Variants in LRRK2 observed in about 807,000 individuals in gnomAD.
LRRK2 encodes the protein leucine rich repeat kinase 2, also known as leucine-rich repeat serine/threonine-protein kinase 2.
Under a neutral mutation model 302.6 loss-of-function variants are expected in LRRK2, and 203 were observed. The ratio of observed to expected loss-of-function variants is 0.67; its 90% CI spans 0.60 to 0.75. The LOEUF (loss-of-function observed/expected upper bound fraction) is 0.75. Among genes scored for constraint, LRRK2 ranks in the 30% least tolerant of loss-of-function variants. LRRK2 has a pLI of 0.00. For synonymous variants in LRRK2, 1,066 were observed against 1,031.9 expected (o/e 1.03, Z -0.63); for missense variants, 2,830 against 2,951.0 (o/e 0.96, Z 0.95).
In LRRK2 at chr12:40,256,767, T is replaced by C. The variant is rs140385226; in HGVS notation, c.1289-481T>C. 1.2e-4 allele frequency among the ~76,000 whole-genome samples: 18 copies of C among 152,344 alleles called. No individual in the cohort carries two copies. In the East Asian group the frequency reaches 3.5e-3, roughly 29 times the overall value. On this transcript the variant is annotated intron_variant, in intron 11 of 50. Coordinates refer to ENST00000298910, the MANE Select transcript of LRRK2 (RefSeq NM_198578.4). Reference sequence around the variant, plus strand: ...CCACACTCCCAAAAAGCTGAGTGAATGGTCGATACCTCCACATGCTTATAA... The same window carrying C: ...CCACACTCCCAAAAAGCTGAGTGAACGGTCGATACCTCCACATGCTTATAA...
intron 13 of LRRK2, among the ~76,000 whole-genome samples, 171 bp downstream of exon 13, chr12:40,259,775 G>C (rs1428361512): frequency 5.3e-5 from 8 of 152,146 alleles, no homozygotes; most frequent in Admixed American, 5.2e-4. Flanking sequence ...GAGTCACTTA[G>C]ATTAATTTTT....
At position 40,346,563 on chromosome 12, in the gene LRRK2, G is replaced by T. The variant is rs10784522; in HGVS notation, c.6110-190G>T. On this transcript the variant is annotated intron_variant, in intron 41 of 50. Coordinates refer to ENST00000298910, the MANE Select transcript of LRRK2 (RefSeq NM_198578.4). ...TTATTGTCCTGTGTGGTCAACCTTGGGGGGTGAGATGTTATGAGACAGGAC... is the reference window on the plus strand; with the variant it reads ...TTATTGTCCTGTGTGGTCAACCTTGTGGGGTGAGATGTTATGAGACAGGAC... Among the ~76,000 whole-genome samples, 46,330 of 151,878 alleles carry T rather than the reference G, an allele frequency of 0.31. 7,274 individuals are homozygous for T. Among genetic ancestry groups the T allele is most frequent in the South Asian group, 0.37 (1,771 of 4,814 alleles).
chr12:40,240,809 G>T (rs1390536078), intron 6 of LRRK2, among the ~76,000 whole-genome samples, 192 bp downstream of exon 6: 2 of 152,092 alleles, frequency 1.3e-5, no homozygotes, highest in Non-Finnish European at 2.9e-5. Context: ...TGGTGCTGGA[G>T]AAACAATCGT....
chr12:40,304,145 T>C lies in LRRK2; in HGVS notation c.3777+11T>C. On this transcript the variant is annotated intron_variant, in intron 27 of 50. Coordinates refer to ENST00000298910, the MANE Select transcript of LRRK2 (RefSeq NM_198578.4). ...AATAAACTGAAAGAGGTAAGACGATTATTGCCACTTAAAAAATATACTTTA... is the reference window on the plus strand; with the variant it reads ...AATAAACTGAAAGAGGTAAGACGATCATTGCCACTTAAAAAATATACTTTA... 1 of 1,609,748 alleles carries C rather than the reference T, an allele frequency of 6.2e-7. No homozygotes were observed. Among genetic ancestry groups the C allele is most frequent in the South Asian group, 1.1e-5 (1 of 90,784 alleles).
In LRRK2 at chr12:40,314,044, G is replaced by A; in HGVS notation, c.4609G>A (p.Glu1537Lys). ...AGAACTTGAAAAAATCATTTTATCG[G>A]AGCGTAAAAATGTGCCAATTGAATT... ...YVELEKIILSERKNVPIEFPV... is the reference protein window; with the variant it reads ...YVELEKIILSKRKNVPIEFPV... The change falls in exon 32 of 51, where the codon GAG becomes AAG. Residue 1537 changes from glutamate to lysine, a missense_variant. By Grantham distance (56) the Glu-to-Lys change is moderately conservative (BLOSUM62 1). Transcript: ENST00000298910. 6.2e-7 allele frequency: 1 copy of A among 1,612,466 alleles called. No individual in the cohort carries two copies.
In LRRK2 at chr12:40,298,798, T is replaced by TATATATATAA. The variant is rs57355300; in HGVS notation, c.3347+306_3347+307insTATATATAAA. Among the ~76,000 whole-genome samples, 40 of 94,260 alleles carry TATATATATAA rather than the reference T, an allele frequency of 4.2e-4. 5 individuals carry two copies. Among genetic ancestry groups the TATATATATAA allele is most frequent in the African/African-American group, 1.4e-3 (33 of 23,832 alleles). The allele number at this position is 94,260 out of a possible 152,430, so 61.8% of individuals were successfully genotyped here. A position where few individuals can be genotyped will look rare whatever the true frequency, so the allele number is the denominator to read the frequency against. ...AAAGAAATATATATATATATATATA[T>TATATATATAA]AATATATGTATTATAATATATAATA... is the stretch of plus-strand genomic sequence containing the variant. On this transcript the variant is annotated intron_variant, in intron 24 of 50. Transcript: ENST00000298910.
At chr12:40,359,490 G>GT (rs765048558) in intron 47 of LRRK2, 46 bp downstream of exon 47, 47 of 1,538,266 alleles carry the variant, frequency 3.1e-5, no homozygotes, top group African/African-American at 6.8e-5. Context: ...TTATACTTTT[G>GT]TTTTTTCCTT....
At chr12:40,277,069 G>A (rs530450265) in intron 16 of LRRK2, among the ~76,000 whole-genome samples, 10 of 152,164 alleles carry the variant, frequency 6.6e-5, no homozygotes, top group Non-Finnish European at 1.5e-4. Context: ...TTGAATTCCT[G>A]GGCTCAAGCA....
Position 40,328,416 on chromosome 12 carries a change from G to C in LRRK2, c.5713G>C (p.Val1905Leu), listed in dbSNP as rs754436306. Reference sequence around the variant, plus strand: ...AGCCTATGAAGGAGAAGAAGTGGCTGTGAAGATTTTTAATAAACATACATC... The same window carrying C: ...AGCCTATGAAGGAGAAGAAGTGGCTCTGAAGATTTTTAATAAACATACATC... ...RAAYEGEEVA[V>L]KIFNKHTSLR... is the part of the protein sequence containing the mutation. The change falls in exon 39 of 51, where the codon GTG (valine) becomes CTG (leucine). Residue 1905 changes from valine to leucine, a missense_variant. Val to Leu is a conservative substitution (Grantham distance 32). Around this residue, in one of 3 missense-constraint regions of LRRK2, gnomAD observed 253 missense variants for 346.7 expected, o/e 0.73. Transcript: ENST00000298910. The C allele has an allele frequency of 3.5e-5, 57 of 1,613,488 alleles. No homozygotes were observed. In the South Asian group the frequency reaches 5.6e-4, roughly 16 times the overall value.
At chr12:40,367,569 G>A in intron 50 of LRRK2, 75 bp from the exon 51 acceptor site, 2 of 1,468,364 alleles carry the variant, frequency 1.4e-6, no homozygotes, top group Middle Eastern at 2.0e-4. Context: ...AAAAATACAT[G>A]AGCCAAACTG....
chr12:40,296,069 A>G (rs916866169), intron 23 of LRRK2, among the ~76,000 whole-genome samples: 7 of 152,022 alleles, frequency 4.6e-5, no homozygotes, highest in Admixed American at 6.6e-5. Flanking sequence ...CTAATCCTTC[A>G]TTTTCTCATC....
chr12:40,337,484 A>G (rs1361029404), intron 40 of LRRK2, among the ~76,000 whole-genome samples: 2 of 152,144 alleles, frequency 1.3e-5, no homozygotes, highest in Non-Finnish European at 2.9e-5. Flanking sequence ...TGAATCTGTT[A>G]TTTCTGTTAT....
At chr12:40,320,793 A>G (rs780444611) in intron 34 of LRRK2, among the ~76,000 whole-genome samples, 1 of 152,038 alleles carries the variant, frequency 6.6e-6, no homozygotes, top group Non-Finnish European at 1.5e-5. Flanking sequence ...GTAATAATTT[A>G]TGTATTAGTG....
In LRRK2 at chr12:40,354,395, C is replaced by T; in HGVS notation, c.6673C>T (p.Leu2225=). 2 of 1,614,096 alleles carry T rather than the reference C, an allele frequency of 1.2e-6. No individual in the cohort carries two copies. The highest frequency in any genetic ancestry group is 1.6e-4 in the Middle Eastern group (1 of 6,062). Residue 2225 remains leucine, a synonymous_variant, in exon 45 of 51, where the codon CTG becomes TTG. Transcript: ENST00000298910. ...IVSGTQSGTL[L]VINTEDGKKR... is the part of the protein sequence containing the mutation. ...GTCTGGGACACAGTCTGGTACTCTC[C>T]TGGTCATCAATACCGAAGATGGGAA...
chr12:40,360,828 C>T (rs1161933560), intron 47 of LRRK2, among the ~76,000 whole-genome samples: 1 of 151,980 alleles, frequency 6.6e-6, no homozygotes, highest in African/African-American at 2.4e-5. Flanking sequence ...CCTTTCACCC[C>T]CAACCTTTGA....
At chr12:40,319,417 C>T (rs17466360) in intron 33 of LRRK2, among the ~76,000 whole-genome samples, 3,335 of 152,056 alleles carry the variant, frequency 0.022, 45 homozygotes, top group Non-Finnish European at 0.036. Flanking sequence ...GTGTTAGAAA[C>T]ATCGGGGTTG....
intron 43 of LRRK2, among the ~76,000 whole-genome samples, chr12:40,351,005 C>T (rs909116433): frequency 1.3e-5 from 2 of 152,090 alleles, no homozygotes; most frequent in Non-Finnish European, 2.9e-5. Flanking sequence ...TCCTGAGTGG[C>T]GGGCAGGTGG....
At chr12:40,238,785 G>T (rs1197188758) in intron 5 of LRRK2, among the ~76,000 whole-genome samples, 2 of 152,196 alleles carry the variant, frequency 1.3e-5, no homozygotes, top group African/African-American at 4.8e-5. Context: ...CCCTGTGTCA[G>T]TTATCAGTTT....
At chr12:40,341,634 T>A (rs2136958488) in intron 41 of LRRK2, among the ~76,000 whole-genome samples, 1 of 152,322 alleles carries the variant, frequency 6.6e-6, no homozygotes, top group South Asian at 2.1e-4. Flanking sequence ...TCTCTTATCC[T>A]CATGCCAGGG....
Sources: allele counts gnomAD v4.1 joint callset (sites outside exome capture counted in the v4.1 genomes callset), GRCh38; gene constraint gnomAD v4.1.1; regional missense constraint gnomAD v4.1.1; transcripts MANE v1.5; gene names NCBI Gene and HGNC (gene_info 2026-07-23, HGNC 2026-07-21).